Variants in CCDC6 observed in about 807,000 individuals in gnomAD.
CCDC6 encodes coiled-coil domain containing 6.
In CCDC6, 20 loss-of-function variants were observed where a neutral mutation model predicts 56.6. The ratio of observed to expected loss-of-function variants is 0.35; its 90% CI spans 0.25 to 0.51. CCDC6 has a LOEUF of 0.51. Ranked by LOEUF, CCDC6 falls within the 20% of genes least tolerant of loss-of-function variation. The probability of loss-of-function intolerance (pLI) is 0.95; values close to 1 mark genes in which losing one functional copy is unlikely to be tolerated. For missense variants in CCDC6, 367 were observed against 601.1 expected (o/e 0.61, Z 4.07); for synonymous variants, 241 against 234.4 (o/e 1.03, Z -0.26).
At chr10:59,795,452 AT>A (rs80184335) in intron 7 of CCDC6, among the ~76,000 whole-genome samples, 31,113 of 150,048 alleles carry the variant, frequency 0.21, 3,735 homozygotes, top group Middle Eastern at 0.27. Flanking sequence ...GGCCATTATT[AT>A]TTTTTTTCTT....
chr10:59,812,080 AAAC>A (rs940417311), intron 5 of CCDC6, among the ~76,000 whole-genome samples: 3 of 148,142 alleles, frequency 2.0e-5, no homozygotes, highest in African/African-American at 7.5e-5. Context: ...AAAAAAAAAA[AAAC>A]CACAAATAGG....
rs746911710 is a variant in CCDC6 at position 59,885,922 on chromosome 10, GCCCC to G, written c.303+20196_303+20199del. On this transcript the variant is annotated intron_variant, in intron 1 of 8. Coordinates refer to ENST00000263102, the MANE Select transcript of CCDC6 (RefSeq NM_005436.5). The stretch of plus-strand genomic sequence containing the variant: ...ATGTCTATTTCCAACCCCGCCCCCC[GCCCC>G]CCCAACTAGAATATCAGCTGCCAGA... 2.5e-4 allele frequency among the ~76,000 whole-genome samples: 5 copies of G among 19,822 alleles called. No homozygotes were observed. The East Asian group carries it at 0.014, about 55-fold the overall frequency. 13.0% of individuals were successfully genotyped at this position (19,822 alleles called of 152,430 possible).
intron 1 of CCDC6, among the ~76,000 whole-genome samples, chr10:59,902,339 C>T (rs1380140206): frequency 2.0e-5 from 3 of 148,698 alleles, no homozygotes; most frequent in African/African-American, 7.4e-5. Flanking sequence ...TTGGAATGGT[C>T]AAAATCTAGA....
At chr10:59,892,917 A>G (rs1251814224) in intron 1 of CCDC6, among the ~76,000 whole-genome samples, 4 of 152,146 alleles carry the variant, frequency 2.6e-5, no homozygotes, top group Admixed American at 2.6e-4. Context: ...CCCGCTGCCC[A>G]GCACCAATAC....
At chr10:59,843,107 C>T (rs942517026) in intron 2 of CCDC6, among the ~76,000 whole-genome samples, 2 of 152,102 alleles carry the variant, frequency 1.3e-5, no homozygotes, top group African/African-American at 2.4e-5. Flanking sequence ...AGGATGGTCT[C>T]GATCTCCTGA....
intron 3 of CCDC6, among the ~76,000 whole-genome samples, chr10:59,825,554 A>C (rs1362900305): frequency 2.6e-5 from 4 of 152,214 alleles, no homozygotes; most frequent in Non-Finnish European, 2.9e-5. Context: ...CCAAGGATGC[A>C]AACTTGAATA....
At chr10:59,841,496 A>G (rs766930065) in intron 2 of CCDC6, among the ~76,000 whole-genome samples, 1 of 151,968 alleles carries the variant, frequency 6.6e-6, no homozygotes, top group Non-Finnish European at 1.5e-5. Flanking sequence ...CTAATCACTT[A>G]CCTGTAGATT....
chr10:59,821,110 A>G (rs1564741794), intron 3 of CCDC6, among the ~76,000 whole-genome samples: 1 of 152,212 alleles, frequency 6.6e-6, no homozygotes, highest in African/African-American at 2.4e-5. Flanking sequence ...CAAAAAATAA[A>G]TCAGTCAGAA....
chr10:59,906,337 T>C lies in CCDC6; in HGVS notation c.88A>G (p.Thr30Ala). ...SAAMQSSCSS[T>A]SGGGGGGGGG... The stretch of plus-strand genomic sequence containing the variant: ...CCGCCGCCACCGCCGCCGCCCGAGG[T>C]CGACGAGCAGGACGACTGCATGGCG... The change falls in exon 1 of 9, where the codon ACC becomes GCC. Residue 30 changes from threonine (T) to alanine (A), a missense_variant. By Grantham distance (58) the Thr-to-Ala change is moderately conservative (BLOSUM62 0). Transcript: ENST00000263102. 1 of 1,598,628 alleles carries C rather than the reference T, an allele frequency of 6.3e-7. No homozygotes were observed. Among genetic ancestry groups the C allele is most frequent in the Non-Finnish European group, 8.5e-7 (1 of 1,178,604 alleles).
intron 1 of CCDC6, among the ~76,000 whole-genome samples, chr10:59,892,611 C>T (rs566840698): frequency 4.6e-5 from 7 of 152,182 alleles, no homozygotes; most frequent in African/African-American, 1.7e-4. Context: ...TTTTGGAGGA[C>T]AATAGAAGGG....
chr10:59,852,182 C>T (rs964310478), intron 2 of CCDC6, among the ~76,000 whole-genome samples: 13 of 152,054 alleles, frequency 8.5e-5, no homozygotes, highest in African/African-American at 3.1e-4. Flanking sequence ...AAAGACCCAC[C>T]TATGACTGCC....
chr10:59,862,564 T>TAC (rs1317655013), intron 1 of CCDC6, among the ~76,000 whole-genome samples: 21 of 109,384 alleles, frequency 1.9e-4, no homozygotes, highest in African/African-American at 7.8e-4. Context: ...CACATATATA[T>TAC]ACACATACAC....
rs148219533 is a variant in CCDC6, at chr10:59,843,990, G to A, written c.453+8563C>T. On this transcript the variant is annotated intron_variant, in intron 2 of 8. Transcript: ENST00000263102. ...GTGTTTTTCTGGATGAATTCCAAGT[G>A]CCCTCTGAATAAAAGCAGCCTTGGG... Among the ~76,000 whole-genome samples the A allele has an allele frequency of 3.9e-5, 6 of 152,222 alleles. No homozygotes were observed. In the East Asian group the frequency reaches 1.2e-3, roughly 29 times the overall value.
At chr10:59,817,667 C>T (rs1430991484) in intron 3 of CCDC6, among the ~76,000 whole-genome samples, 1 of 152,116 alleles carries the variant, frequency 6.6e-6, no homozygotes, top group East Asian at 1.9e-4. Flanking sequence ...AGTAAATACT[C>T]ATAATACTAA....
intron 2 of CCDC6, among the ~76,000 whole-genome samples, chr10:59,834,878 G>A (rs183230325): frequency 7.2e-4 from 110 of 152,326 alleles, no homozygotes; most frequent in African/African-American, 2.5e-3. Context: ...AATGAAACAA[G>A]CATCGCTTAG....
intron 3 of CCDC6, 64 bp downstream of exon 3, chr10:59,832,461 A>C: frequency 6.6e-7 from 1 of 1,504,172 alleles, no homozygotes; most frequent in Non-Finnish European, 9.0e-7. Context: ...AGGCATCTTA[A>C]AGCTTAAAAG....
chr10:59,836,279 C>T (rs570557416), intron 2 of CCDC6, among the ~76,000 whole-genome samples: 1 of 152,174 alleles, frequency 6.6e-6, no homozygotes, highest in African/African-American at 2.4e-5. Flanking sequence ...AACGTGGCTC[C>T]AATAGGGTTT....
At chr10:59,838,092 C>G (rs933861730) in intron 2 of CCDC6, among the ~76,000 whole-genome samples, 2 of 152,140 alleles carry the variant, frequency 1.3e-5, no homozygotes, top group African/African-American at 4.8e-5. Context: ...AAACTCAGTA[C>G]TTCATCACTA....
chr10:59,818,495 C>T (rs1198073686), intron 3 of CCDC6, among the ~76,000 whole-genome samples: 8 of 83,120 alleles, frequency 9.6e-5, no homozygotes, highest in Admixed American at 5.9e-4. Flanking sequence ...ATAATGTTGA[C>T]GGGGGGGGGG....
Sources: allele counts gnomAD v4.1 joint callset (sites outside exome capture counted in the v4.1 genomes callset), GRCh38; gene constraint gnomAD v4.1.1; transcripts MANE v1.5; gene names NCBI Gene and HGNC (gene_info 2026-07-23, HGNC 2026-07-21).